ASPH: variants seen among roughly 807,000 people sequenced by gnomAD.
The protein encoded by ASPH is aspartate beta-hydroxylase.
A neutral mutation model predicts 118.4 loss-of-function variants in ASPH; 100 were observed. The ratio of observed to expected loss-of-function variants is 0.84; its 90% CI spans 0.72 to 1.00. The LOEUF is 1.00. ASPH is among the 50% of genes least tolerant of loss of function. ASPH has a pLI of 0.00. For synonymous variants in ASPH, 315 were observed against 325.6 expected (o/e 0.97, Z 0.35); for missense variants, 920 against 919.5 (o/e 1.00, Z -0.01).
At chr8:61,592,507 T>C (rs767565526) in intron 14 of ASPH, among the ~76,000 whole-genome samples, 3 of 152,362 alleles carry the variant, frequency 2.0e-5, no homozygotes, top group African/African-American at 7.2e-5. Flanking sequence ...AACTCTAGTA[T>C]GTGTTTTTAA....
chr8:61,689,927 C>A, intron 1 of ASPH: 1 of 1,098,806 alleles, frequency 9.1e-7, no homozygotes. Context: ...GGCTGAAGTG[C>A]ACTCCCTAAC....
intron 15 of ASPH, chr8:61,578,338 G>C: frequency 6.2e-7 from 1 of 1,606,704 alleles, no homozygotes; most frequent in Non-Finnish European, 8.5e-7. Context: ...AGCTTCTCCT[G>C]AGTGGGCAGC....
rs1366083125 is a variant in ASPH at position 61,516,161 on chromosome 8, T to C, written c.2126+1367A>G. Among the ~76,000 whole-genome samples the C allele has an allele frequency of 3.3e-5, 5 of 152,332 alleles. No individual in the cohort carries two copies. The East Asian group carries it at 7.7e-4, about 23-fold the overall frequency. On this transcript the variant is annotated intron_variant, in intron 24 of 24. Coordinates refer to ENST00000379454, the MANE Select transcript of ASPH (RefSeq NM_004318.4). Reference sequence around the variant, plus strand: ...CCTCTGTGCCTTTAATGGATACTGTTCCAGAATACCCCTCTTTAGCTTTCA... The same window carrying C: ...CCTCTGTGCCTTTAATGGATACTGTCCCAGAATACCCCTCTTTAGCTTTCA...
intron 2 of ASPH, chr8:61,682,587 G>T (rs1481501275): frequency 4.5e-6 from 5 of 1,113,092 alleles, no homozygotes; most frequent in Non-Finnish European, 6.7e-6. Flanking sequence ...ATCACTGTAA[G>T]TCAGTCAAAG....
intron 1 of ASPH, chr8:61,689,820 C>T (rs1832096704): frequency 1.4e-6 from 2 of 1,453,160 alleles, no homozygotes; most frequent in South Asian, 1.5e-5. Context: ...CTGGCCAATC[C>T]CTGCACTGTA....
intron 1 of ASPH, among the ~76,000 whole-genome samples, chr8:61,690,502 AT>A (rs951736410): frequency 3.3e-5 from 5 of 150,204 alleles, no homozygotes; most frequent in African/African-American, 4.9e-5. Flanking sequence ...CCACATTCTG[AT>A]TTTTTTTTTC....
At chr8:61,671,916 A>G (rs1054965731) in intron 3 of ASPH, among the ~76,000 whole-genome samples, 6 of 152,254 alleles carry the variant, frequency 3.9e-5, no homozygotes, top group Non-Finnish European at 8.8e-5. Flanking sequence ...ATACACAAGT[A>G]GCTACTTCAG....
intron 3 of ASPH, among the ~76,000 whole-genome samples, chr8:61,676,932 T>C (rs1019436239): frequency 6.6e-6 from 1 of 152,070 alleles, no homozygotes; most frequent in African/African-American, 2.4e-5. Context: ...ACACTCAAAT[T>C]ATGTAACTCA....
chr8:61,608,458 T>A (rs1399602048), intron 14 of ASPH, among the ~76,000 whole-genome samples: 1 of 152,216 alleles, frequency 6.6e-6, no homozygotes, highest in Non-Finnish European at 1.5e-5. Flanking sequence ...TAGGTTTGCT[T>A]ACCATTTGTG....
At chr8:61,713,506 T>A (rs899526882) in intron 1 of ASPH, among the ~76,000 whole-genome samples, 1 of 152,114 alleles carries the variant, frequency 6.6e-6, no homozygotes, top group African/African-American at 2.4e-5. Context: ...AGTTTCAATA[T>A]CCCAAATATG....
chr8:61,516,393 G>C (rs1810923527), intron 24 of ASPH, among the ~76,000 whole-genome samples: 1 of 152,176 alleles, frequency 6.6e-6, no homozygotes, highest in African/African-American at 2.4e-5. Flanking sequence ...GTCCTCAGAA[G>C]AGGACGGCCC....
At chr8:61,580,602 T>C (rs1018469017) in intron 15 of ASPH, among the ~76,000 whole-genome samples, 1 of 152,228 alleles carries the variant, frequency 6.6e-6, no homozygotes, top group African/African-American at 2.4e-5. Context: ...ATCAAGATGG[T>C]GGCAGGGCTG....
intron 15 of ASPH, chr8:61,579,061 T>C (rs1587549074): frequency 3.1e-6 from 5 of 1,611,038 alleles, no homozygotes; most frequent in Admixed American, 3.3e-5. Context: ...GCTGAGAGCA[T>C]GTACCAGATC....
chr8:61,674,219 C>T (rs1350183226), intron 3 of ASPH, among the ~76,000 whole-genome samples: 2 of 152,114 alleles, frequency 1.3e-5, no homozygotes, highest in Non-Finnish European at 1.5e-5. Flanking sequence ...TTGAGTGGGG[C>T]TGAAGATTCC....
chr8:61,581,564 A>C (rs1214694991), intron 15 of ASPH, among the ~76,000 whole-genome samples: 1 of 152,226 alleles, frequency 6.6e-6, no homozygotes, highest in African/African-American at 2.4e-5. Context: ...TTTTATGAAG[A>C]TCTACAGCCA....
chr8:61,539,115 C>T (rs549057668), intron 21 of ASPH, among the ~76,000 whole-genome samples: 1 of 152,226 alleles, frequency 6.6e-6, no homozygotes, highest in African/African-American at 2.4e-5. Flanking sequence ...GTGGCAGGCG[C>T]CTGTAATCCC....
intron 1 of ASPH, 175 bp from the exon 2 acceptor site, chr8:61,684,363 A>G: frequency 1.4e-6 from 1 of 692,722 alleles, no homozygotes; most frequent in Non-Finnish European, 2.3e-6. Flanking sequence ...AACAGAAAAG[A>G]TTGTTTAGAT....
chr8:61,583,832 T>C, intron 15 of ASPH, 112 bp downstream of exon 15: 1 of 732,440 alleles, frequency 1.4e-6, no homozygotes, highest in Non-Finnish European at 2.2e-6. Flanking sequence ...AAATCCACTC[T>C]ATTCAACTGT....
At chr8:61,668,862 T>A (rs556744237) in intron 3 of ASPH, among the ~76,000 whole-genome samples, 1 of 152,222 alleles carries the variant, frequency 6.6e-6, no homozygotes, top group South Asian at 2.1e-4. Flanking sequence ...ATTTCCTCTC[T>A]TGGCAAATGA....
Sources: gnomAD v4.1 joint callset for allele counts (sites outside exome capture counted in the v4.1 genomes callset) on GRCh38, gnomAD v4.1.1 for gene constraint, MANE v1.5 for transcripts, NCBI Gene and HGNC (gene_info 2026-07-23, HGNC 2026-07-21) for gene names.